The following KCNH7 variants were observed in gnomAD, a reference collection of about 807,000 sequenced individuals.
KCNH7 encodes the protein voltage-gated inwardly rectifying potassium channel KCNH7.
A neutral mutation model predicts 120.8 loss-of-function variants in KCNH7; 49 were observed. The observed-to-expected ratio is 0.41, with a 90% CI of 0.32 to 0.51. The LOEUF is 0.51. Ranked by LOEUF, KCNH7 falls within the 20% of genes least tolerant of loss-of-function variation. KCNH7 has a pLI of 0.38. For missense variants in KCNH7, 1,097 were observed against 1,446.6 expected (o/e 0.76, Z 3.92); for synonymous variants, 547 against 516.1 (o/e 1.06, Z -0.81).
intron 2 of KCNH7, among the ~76,000 whole-genome samples, chr2:162,766,716 A>G (rs1308218066): frequency 6.6e-6 from 1 of 152,114 alleles, no homozygotes; most frequent in African/African-American, 2.4e-5. Flanking sequence ...TATGGGCAAT[A>G]TCTTAAAAAT....
intron 2 of KCNH7, among the ~76,000 whole-genome samples, chr2:162,628,253 G>C (rs1683627765): frequency 6.6e-6 from 1 of 152,088 alleles, no homozygotes; most frequent in Non-Finnish European, 1.5e-5. Context: ...TAGATTTACT[G>C]ATCCATAGAA....
At chr2:162,738,647 T>TCAGTGTG (rs1380229064) in intron 2 of KCNH7, among the ~76,000 whole-genome samples, 1 of 152,148 alleles carries the variant, frequency 6.6e-6, no homozygotes, top group Non-Finnish European at 1.5e-5. Flanking sequence ...AAAAAGAAAA[T>TCAGTGTG]CAGTGTGTTT....
At chr2:162,571,932 T>C (rs1270949332) in intron 2 of KCNH7, among the ~76,000 whole-genome samples, 3 of 151,492 alleles carry the variant, frequency 2.0e-5, no homozygotes, top group Non-Finnish European at 4.4e-5. Context: ...AGACCTAAAA[T>C]CATAAAAACC....
At chr2:162,386,868 T>A (rs1686589135) in intron 12 of KCNH7, among the ~76,000 whole-genome samples, 1 of 151,736 alleles carries the variant, frequency 6.6e-6, no homozygotes, top group Non-Finnish European at 1.5e-5. Context: ...TGATTTTGGA[T>A]GCTTATGAAC....
chr2:162,787,750 C>A (rs1029962391), intron 2 of KCNH7, among the ~76,000 whole-genome samples: 2 of 152,132 alleles, frequency 1.3e-5, no homozygotes, highest in Admixed American at 1.3e-4. Context: ...GTTTCCAGGT[C>A]CATCTCAGTA....
intron 2 of KCNH7, among the ~76,000 whole-genome samples, chr2:162,725,327 A>G (rs1687475930): frequency 6.6e-6 from 1 of 152,148 alleles, no homozygotes; most frequent in African/African-American, 2.4e-5. Context: ...TTATGTTTAA[A>G]TTGTAAAAAG....
intron 2 of KCNH7, among the ~76,000 whole-genome samples, chr2:162,574,361 C>A (rs189214139): frequency 4.0e-5 from 6 of 151,416 alleles, no homozygotes; most frequent in African/African-American, 1.5e-4. Context: ...CTCTTTCAAA[C>A]TTTAGTATTT....
At chr2:162,497,310 G>T (rs149050082) in intron 6 of KCNH7, among the ~76,000 whole-genome samples, 117 of 152,040 alleles carry the variant, frequency 7.7e-4, no homozygotes, top group African/African-American at 2.7e-3. Context: ...GTAATATCAG[G>T]GTGGTTTTGC....
Position 162,404,674 on chromosome 2 carries a change from A to C in KCNH7, c.2155-4233T>G, listed in dbSNP as rs115452857. Among the ~76,000 whole-genome samples the C allele has an allele frequency of 5.5e-3, 831 of 152,066 alleles. 2 individuals carry two copies. Among genetic ancestry groups the C allele is most frequent in the Middle Eastern group, 0.02 (6 of 294 alleles). ...GACCGTAAGTTCCTGAGGCCTCTGC[A>C]GGAGCCGAGCAGATGCTAGCACCAT... is the stretch of plus-strand genomic sequence containing the variant. On this transcript the variant is annotated intron_variant, in intron 9 of 15. Transcript: ENST00000332142.
intron 2 of KCNH7, among the ~76,000 whole-genome samples, chr2:162,692,563 G>A (rs1686151121): frequency 6.6e-6 from 1 of 152,026 alleles, no homozygotes; most frequent in East Asian, 1.9e-4. Context: ...GACTTTCACT[G>A]CCGTATTTTT....
intron 6 of KCNH7, among the ~76,000 whole-genome samples, chr2:162,473,315 G>A (rs954655476): frequency 2.0e-5 from 3 of 151,994 alleles, no homozygotes; most frequent in Non-Finnish European, 2.9e-5. Flanking sequence ...GTTTGGCTTG[G>A]GAGTGAAGCA....
chr2:162,453,723 G>T (rs1331319667), intron 6 of KCNH7, among the ~76,000 whole-genome samples: 1 of 152,142 alleles, frequency 6.6e-6, no homozygotes, highest in Non-Finnish European at 1.5e-5. Context: ...GTGGTGAAGA[G>T]CTTTTTTTCA....
intron 2 of KCNH7, among the ~76,000 whole-genome samples, chr2:162,729,913 A>G (rs1375950842): frequency 1.3e-5 from 2 of 152,120 alleles, no homozygotes; most frequent in South Asian, 2.1e-4. Context: ...AGATGATCAT[A>G]TGGTTTTCCT....
At position 162,513,075 on chromosome 2, in the gene KCNH7, G is replaced by A. The variant is rs1691133284; in HGVS notation, c.893-401C>T. 2.0e-5 allele frequency among the ~76,000 whole-genome samples: 3 copies of A among 151,894 alleles called. No individual in the cohort carries two copies. In the South Asian group the frequency reaches 6.2e-4, roughly 32 times the overall value. On this transcript the variant is annotated intron_variant, in intron 4 of 15. Transcript: ENST00000332142. Reference sequence around the variant, plus strand: ...CAAAGGAAGACTCCACATTTTGCATGTTAAGTGTTTTTTTGCATATAATTT... The same window carrying A: ...CAAAGGAAGACTCCACATTTTGCATATTAAGTGTTTTTTTGCATATAATTT...
rs768025424 is a variant in KCNH7 at position 162,384,873 on chromosome 2, T to G, written c.2777A>C (p.His926Pro). 1 of 1,612,482 alleles carries G rather than the reference T, an allele frequency of 6.2e-7. No individual in the cohort carries two copies. The highest frequency in any genetic ancestry group is 1.1e-5 in the South Asian group (1 of 91,052). ...TIRHYQSSKRHFEEKKSRSSS... is the reference protein window; with the variant it reads ...TIRHYQSSKRPFEEKKSRSSS... ...GGATCTGCTTTTTTTCTCTTCAAAGTGTCTCTTGGAACTCTGATAATGTCT... is the reference window on the plus strand; with the variant it reads ...GGATCTGCTTTTTTTCTCTTCAAAGGGTCTCTTGGAACTCTGATAATGTCT... The change falls in exon 13 of 16, where the codon CAC becomes CCC. Residue 926 changes from histidine (H) to proline (P), a missense_variant. Physicochemically the swap from His to Pro is moderately conservative, Grantham distance 77. Coordinates refer to ENST00000332142, the MANE Select transcript of KCNH7 (RefSeq NM_033272.4).
intron 2 of KCNH7, among the ~76,000 whole-genome samples, chr2:162,764,526 C>T (rs1689081048): frequency 6.6e-6 from 1 of 152,020 alleles, no homozygotes; most frequent in African/African-American, 2.4e-5. Flanking sequence ...CAAAATGATA[C>T]ATAAATCCTC....
chr2:162,755,576 C>T (rs1202284350), intron 2 of KCNH7, among the ~76,000 whole-genome samples: 1 of 152,058 alleles, frequency 6.6e-6, no homozygotes, highest in Admixed American at 6.6e-5. Context: ...AGTTAGAATC[C>T]TTGTGTGACA....
At chr2:162,600,216 A>G (rs1391734470) in intron 2 of KCNH7, among the ~76,000 whole-genome samples, 4 of 152,002 alleles carry the variant, frequency 2.6e-5, no homozygotes, top group Non-Finnish European at 4.4e-5. Context: ...GGTGTACACT[A>G]TGTTATTTTT....
chr2:162,428,752 T>C (rs1318799825), intron 8 of KCNH7, among the ~76,000 whole-genome samples: 1 of 151,928 alleles, frequency 6.6e-6, no homozygotes, highest in Non-Finnish European at 1.5e-5. Flanking sequence ...GATTGCTATA[T>C]TTGTCTATTT....
Sources: gnomAD v4.1 joint callset for allele counts (sites outside exome capture counted in the v4.1 genomes callset) on GRCh38, gnomAD v4.1.1 for gene constraint, MANE v1.5 for transcripts, NCBI Gene and HGNC (gene_info 2026-07-23, HGNC 2026-07-21) for gene names.